The following LRP8 variants were observed in gnomAD, a reference collection of about 807,000 sequenced individuals.
LRP8 encodes LDL receptor related protein 8.
Under a neutral mutation model 111.6 loss-of-function variants are expected in LRP8, and 46 were observed. The ratio of observed to expected loss-of-function variants is 0.41; its 90% CI spans 0.33 to 0.53. The LOEUF (loss-of-function observed/expected upper bound fraction) is 0.53, where lower values mean the gene tolerates loss of function less well. Among genes scored for constraint, LRP8 ranks in the 20% least tolerant of loss-of-function variants. The probability of loss-of-function intolerance (pLI) is 0.20; values close to 1 mark genes in which losing one functional copy is unlikely to be tolerated. For synonymous variants in LRP8, 464 were observed against 511.2 expected, an observed-to-expected ratio of 0.91 and a Z score of 1.24; for missense variants, 959 against 1,297.4, an observed-to-expected ratio of 0.74 and a Z score of 4.01.
chr1:53,280,282 G>C (rs1474440845), intron 4 of LRP8, among the ~76,000 whole-genome samples: 1 of 152,210 alleles, frequency 6.6e-6, no homozygotes, highest in Non-Finnish European at 1.5e-5. Context: ...GGGCTTTGCT[G>C]TCCAGTCCTG....
At chr1:53,261,434 C>G (rs571988987) in intron 12 of LRP8, among the ~76,000 whole-genome samples, 1 of 152,220 alleles carries the variant, frequency 6.6e-6, no homozygotes, top group Non-Finnish European at 1.5e-5. Flanking sequence ...CCACCACAGA[C>G]CATCATCCCT....
At chr1:53,254,850 C>T (rs758373216) in intron 16 of LRP8, among the ~76,000 whole-genome samples, 11 of 152,070 alleles carry the variant, frequency 7.2e-5, no homozygotes, top group Admixed American at 2.0e-4. Context: ...ATCATACAGT[C>T]GCACTTCACA....
chr1:53,291,130 A>G (rs1648673579), intron 2 of LRP8, among the ~76,000 whole-genome samples: 1 of 152,176 alleles, frequency 6.6e-6, no homozygotes, highest in Non-Finnish European at 1.5e-5. Flanking sequence ...TCTGGCCTAC[A>G]GCTTCTTCAT....
At position 53,293,030 on chromosome 1, in the gene LRP8, A is replaced by C. The variant is rs143630829; in HGVS notation, c.245-3341T>G. On this transcript the variant is annotated intron_variant, in intron 2 of 18. Transcript: ENST00000306052. This position sits in a 1 kb window ranked among gnomAD's most constrained non-coding sequence, Gnocchi z 4.9. ...CAGTCTCTGGGAATTAAGAGCAAGT[A>C]GGCAAGTCTGGCAAGGATGTGTGGT... 2.6e-5 allele frequency among the ~76,000 whole-genome samples: 4 copies of C among 152,348 alleles called. No homozygotes were observed. The East Asian group carries it at 5.8e-4, about 22-fold the overall frequency.
chr1:53,262,618 G>A lies in LRP8; in HGVS notation c.1656-54C>T. The A allele has an allele frequency of 7.0e-7, 1 of 1,423,372 alleles. No individual in the cohort carries two copies. 88.2% of individuals were successfully genotyped at this position (1,423,372 alleles called of 1,614,324 possible). A position where few individuals can be genotyped will look rare whatever the true frequency, so the allele number is the denominator to read the frequency against. On this transcript the variant is annotated intron_variant, in intron 10 of 18. Coordinates refer to ENST00000306052, the MANE Select transcript of LRP8 (RefSeq NM_004631.5). This position sits in a 1 kb window ranked among gnomAD's most constrained non-coding sequence, Gnocchi z 4.8. ...TCTTGCTGGGGACATGACCGGGGTG[G>A]TCTGAGTCACAAGAGCTCAATAACC...
chr1:53,272,534 C>A, intron 6 of LRP8: 1 of 1,272,622 alleles, frequency 7.9e-7, no homozygotes, highest in Non-Finnish European at 1.0e-6. Flanking sequence ...GCTGCCCACC[C>A]CAGGCCATGC....
intron 18 of LRP8, among the ~76,000 whole-genome samples, chr1:53,247,600 A>G (rs1031506360): frequency 6.6e-6 from 1 of 152,214 alleles, no homozygotes; most frequent in Non-Finnish European, 1.5e-5. Context: ...GTCATTAGGT[A>G]GATGCTAGAC....
At chr1:53,251,906 G>A (rs1009370313) in intron 16 of LRP8, among the ~76,000 whole-genome samples, 8 of 151,886 alleles carry the variant, frequency 5.3e-5, no homozygotes, top group Admixed American at 1.3e-4. Flanking sequence ...GTTGGGCATG[G>A]TGGCGGGCAC....
At chr1:53,301,564 C>T (rs918406243) in intron 2 of LRP8, among the ~76,000 whole-genome samples, 8 of 151,934 alleles carry the variant, frequency 5.3e-5, no homozygotes, top group African/African-American at 1.9e-4. Flanking sequence ...TCTACAACAA[C>T]AAAAATACCA....
intron 2 of LRP8, among the ~76,000 whole-genome samples, chr1:53,325,672 A>T (rs1014062475): frequency 6.6e-6 from 1 of 152,262 alleles, no homozygotes; most frequent in Non-Finnish European, 1.5e-5. Context: ...TCAAAAACCA[A>T]AACGATTCAA....
rs1264233602 is a variant in LRP8, at chr1:53,245,103, C to T, written c.*1915G>A. Reference sequence around the variant, plus strand: ...AGAGTTTAGGAGGCCAAGAGTGACACAGAGGAAGGTCCTAGGTACAGGATG... The same window carrying T: ...AGAGTTTAGGAGGCCAAGAGTGACATAGAGGAAGGTCCTAGGTACAGGATG... On this transcript the variant is annotated 3_prime_UTR_variant, in exon 19 of 19. Coordinates refer to ENST00000306052, the MANE Select transcript of LRP8 (RefSeq NM_004631.5). 1 of 152,214 alleles carries T rather than the reference C, an allele frequency of 6.6e-6. No individual in the cohort carries two copies. The highest frequency in any genetic ancestry group is 2.4e-5 in the African/African-American group (1 of 41,436). The allele number at this position is 152,214 out of a possible 1,614,324, so 9.4% of individuals were successfully genotyped here.
chr1:53,262,508 T>C lies in LRP8; in HGVS notation c.1712A>G (p.Asn571Ser), dbSNP rs201950519. 483 of 1,614,198 alleles carry C rather than the reference T, an allele frequency of 3.0e-4. No individual in the cohort carries two copies. Among genetic ancestry groups the C allele is most frequent in the Non-Finnish European group, 3.8e-4 (445 of 1,180,038 alleles). ...DQAKIEKSGL[N>S]GVDRQTLVSD... ...CACCAGTGTTTGCCGGTCCACACCG[T>C]TGAGCCCAGATTTCTCAATCTTGGC... Residue 571 changes from asparagine (N) to serine (S), a missense_variant, in exon 11 of 19, where the codon AAC becomes AGC. By Grantham distance (46) the Asn-to-Ser change is conservative. This residue lies in a region of LRP8 where 819 missense variants were observed against 1,097.6 expected (regional missense o/e 0.75). Coordinates refer to ENST00000306052, the MANE Select transcript of LRP8 (RefSeq NM_004631.5). This position sits in a 1 kb window ranked among gnomAD's most constrained non-coding sequence, Gnocchi z 4.8.
intron 3 of LRP8, chr1:53,289,270 C>T (rs541237388): frequency 4.1e-6 from 1 of 244,588 alleles, no homozygotes; most frequent in East Asian, 8.3e-5. Context: ...TCAAGAACAG[C>T]AGCAGGGAGG....
In LRP8 at chr1:53,279,355, G is replaced by A. The variant is rs1345646492; in HGVS notation, c.496+1232C>T. ...AATGTTCCTATTCCAACATGCCCTA[G>A]TTGGAGAGACTCCCATCCCTTGCAG... On this transcript the variant is annotated intron_variant, in intron 4 of 18. Transcript: ENST00000306052. The surrounding 1 kb of genome is among the most constrained non-coding windows in gnomAD (Gnocchi z 4.4). Among the ~76,000 whole-genome samples the A allele has an allele frequency of 1.3e-5, 2 of 152,178 alleles. No individual in the cohort carries two copies. The highest frequency in any genetic ancestry group is 2.9e-5 in the Non-Finnish European group (2 of 68,024).
Position 53,289,633 on chromosome 1 carries a change from C to A in LRP8, c.301G>T (p.Glu101Ter). The change falls in exon 3 of 19, where the codon GAA becomes TAA. Residue 101 changes from glutamate to a stop codon, truncating the protein, a stop_gained. Coordinates refer to ENST00000306052, the MANE Select transcript of LRP8 (RefSeq NM_004631.5). LOFTEE classifies it high-confidence loss of function. ...FTCDNGHCIHERWKCDGEEEC... is the reference protein window; with the variant it reads ...FTCDNGHCIH ...TCCTCGCCGTCACACTTCCACCGTT[C>A]GTGGATGCAGTGGCCGTTGTCACAG... 1 of 1,613,444 alleles carries A rather than the reference C, an allele frequency of 6.2e-7. No individual in the cohort carries two copies. The highest frequency in any genetic ancestry group is 2.2e-5 in the East Asian group (1 of 44,858).
intron 3 of LRP8, among the ~76,000 whole-genome samples, chr1:53,287,481 G>A (rs1647742761): frequency 6.6e-6 from 1 of 152,208 alleles, no homozygotes; most frequent in African/African-American, 2.4e-5. Context: ...GGGCCCAGAG[G>A]GAGGTGGGAA....
intron 2 of LRP8, among the ~76,000 whole-genome samples, chr1:53,321,996 A>C (rs1157749165): frequency 6.6e-6 from 1 of 152,102 alleles, no homozygotes; most frequent in African/African-American, 2.4e-5. Context: ...GGCGAGCACC[A>C]GCTGCAGGAA....
intron 8 of LRP8, chr1:53,267,116 T>C (rs991573112): frequency 3.6e-5 from 6 of 165,030 alleles, no homozygotes; most frequent in Non-Finnish European, 5.3e-5. Flanking sequence ...CTTCTCTGCT[T>C]GGGCCCTACT....
chr1:53,272,678 G>A (rs1157502024), intron 6 of LRP8: 9 of 1,289,306 alleles, frequency 7.0e-6, no homozygotes, highest in Non-Finnish European at 9.1e-6. Context: ...CCATGACTGG[G>A]GGACCCAGGG....
Sources: gnomAD v4.1 joint callset for allele counts (sites outside exome capture counted in the v4.1 genomes callset) on GRCh38, gnomAD v4.1.1 for gene constraint, gnomAD v4.1.1 regional missense constraint, Gnocchi (gnomAD v3.1) non-coding constraint, MANE v1.5 for transcripts, NCBI Gene and HGNC (gene_info 2026-07-23, HGNC 2026-07-21) for gene names.